Variants in RDX observed in about 807,000 individuals in gnomAD.
RDX encodes deafness, autosomal recessive 24.
Under a neutral mutation model 83.7 loss-of-function variants are expected in RDX, and 32 were observed. That is an observed-to-expected ratio of 0.38 (90% confidence interval 0.29 to 0.51). The LOEUF (loss-of-function observed/expected upper bound fraction) is 0.51. Ranked by LOEUF, RDX falls within the 20% of genes least tolerant of loss-of-function variation. RDX has a pLI of 0.87. For missense variants in RDX, 600 were observed against 689.9 expected, an observed-to-expected ratio of 0.87 and a Z score of 1.46; for synonymous variants, 229 against 222.7, an observed-to-expected ratio of 1.03 and a Z score of -0.25.
chr11:110,258,214 A>G, intron 5 of RDX, 25 bp from the exon 6 acceptor site: 1 of 1,425,410 alleles, frequency 7.0e-7, no homozygotes. Flanking sequence ...AAAAAAAAAA[A>G]ATTATAATGA....
At chr11:110,273,000 G>A (rs913933499) in intron 2 of RDX, 1 of 456,772 alleles carries the variant, frequency 2.2e-6, no homozygotes, top group East Asian at 6.9e-5. Flanking sequence ...GCCAAGGTGG[G>A]AGGATCTCTT....
chr11:110,209,703 G>T (rs1463231227), intron 14 of RDX, among the ~76,000 whole-genome samples: 8 of 147,272 alleles, frequency 5.4e-5, no homozygotes, highest in African/African-American at 2.0e-4. Context: ...CAGCCTAACT[G>T]GGAGGCACCC....
intron 12 of RDX, 126 bp downstream of exon 12, chr11:110,235,973 A>G (rs1864830789): frequency 1.4e-6 from 1 of 720,788 alleles, no homozygotes; most frequent in South Asian, 1.6e-5. Flanking sequence ...TATTTACAAT[A>G]CACATAACAC....
chr11:110,209,928 T>C (rs576930021), intron 14 of RDX, among the ~76,000 whole-genome samples: 2,470 of 146,270 alleles, frequency 0.017, 28 homozygotes, highest in Non-Finnish European at 0.024. Flanking sequence ...AAAAGCAGAG[T>C]GCCTCTCCTC....
chr11:110,204,029 G>A (rs1863511764), intron 14 of RDX, among the ~76,000 whole-genome samples: 1 of 148,396 alleles, frequency 6.7e-6, no homozygotes, highest in African/African-American at 2.5e-5. Context: ...GTGACAGAGT[G>A]AGACCCCATC....
At position 110,233,399 on chromosome 11, in the gene RDX, T is replaced by A; in HGVS notation, c.1425A>T (p.Pro475=). 6.2e-7 allele frequency: 1 copy of A among 1,614,110 alleles called. No homozygotes were observed. The highest frequency in any genetic ancestry group is 8.5e-7 in the Non-Finnish European group (1 of 1,180,000). Residue 475 remains proline, a synonymous_variant, in exon 13 of 14, where the codon CCA becomes CCT. Coordinates refer to ENST00000645495, the MANE Select transcript of RDX (RefSeq NM_002906.4). ...TVMSAPPPPP[P]PPVIPPTENE... ...TTTCTGTTGGAGGAATGACTGGTGGTGGTGGAGGTGGAGGGGGGGCAGACA... is the reference window on the plus strand; with the variant it reads ...TTTCTGTTGGAGGAATGACTGGTGGAGGTGGAGGTGGAGGGGGGGCAGACA...
intron 1 of RDX, among the ~76,000 whole-genome samples, chr11:110,292,184 T>C (rs567155165): frequency 6.6e-6 from 1 of 151,606 alleles, no homozygotes; most frequent in South Asian, 2.1e-4. Flanking sequence ...TCCCAGCTAC[T>C]AGGGAAGCTG....
At chr11:110,263,917 T>C in intron 5 of RDX, 43 bp downstream of exon 5, 1 of 1,524,602 alleles carries the variant, frequency 6.6e-7, no homozygotes, top group Non-Finnish European at 9.1e-7. Flanking sequence ...ACTTCTAGAA[T>C]ACAATTTTCA....
intron 5 of RDX, among the ~76,000 whole-genome samples, chr11:110,259,932 C>T (rs1859732860): frequency 6.6e-6 from 1 of 151,998 alleles, no homozygotes; most frequent in Non-Finnish European, 1.5e-5. Flanking sequence ...CATCCACTGC[C>T]CCCAGTCTAC....
intron 11 of RDX, chr11:110,236,677 G>A: frequency 6.2e-6 from 1 of 161,310 alleles, no homozygotes; most frequent in Non-Finnish European, 1.3e-5. Flanking sequence ...CTGGAGCCCA[G>A]TGGCACAATC....
intron 15 of RDX, among the ~76,000 whole-genome samples, chr11:110,186,735 A>G (rs1862995977): frequency 6.6e-6 from 1 of 152,140 alleles, no homozygotes; most frequent in Non-Finnish European, 1.5e-5. Context: ...CATTTCTCCC[A>G]AGCCCTGGAG....
At chr11:110,215,411 AAAT>A (rs1404572669) in intron 14 of RDX, among the ~76,000 whole-genome samples, 14 of 146,516 alleles carry the variant, frequency 9.6e-5, no homozygotes, top group African/African-American at 2.5e-4. Flanking sequence ...TAAATAAATA[AAAT>A]AATAATAATG....
chr11:110,187,178 A>G (rs1056238264), intron 15 of RDX, among the ~76,000 whole-genome samples: 2 of 152,198 alleles, frequency 1.3e-5, no homozygotes, highest in African/African-American at 4.8e-5. Flanking sequence ...ACCCCCAGAC[A>G]TATCTCCAGG....
chr11:110,241,958 T>C (rs1368665467), intron 10 of RDX, among the ~76,000 whole-genome samples: 6 of 152,124 alleles, frequency 3.9e-5, no homozygotes, highest in African/African-American at 1.4e-4. Flanking sequence ...ATACCACTTA[T>C]ACAGGTAGAA....
intron 15 of RDX, chr11:110,185,424 G>A (rs1374574340): frequency 6.6e-6 from 1 of 152,188 alleles, no homozygotes; most frequent in African/African-American, 2.4e-5. Context: ...CCTTCTCTTA[G>A]CCAAGTGTTC....
At chr11:110,207,287 C>T (rs1181261949) in intron 14 of RDX, among the ~76,000 whole-genome samples, 2 of 152,130 alleles carry the variant, frequency 1.3e-5, no homozygotes, top group Non-Finnish European at 2.9e-5. Flanking sequence ...AATGCACATT[C>T]TTGAGCAGCT....
intron 1 of RDX, 133 bp from the exon 2 acceptor site, chr11:110,279,889 A>G: frequency 1.9e-6 from 1 of 519,508 alleles, no homozygotes; most frequent in East Asian, 3.2e-5. Flanking sequence ...TTTCATTCTC[A>G]TTTTCAATAT....
At chr11:110,292,472 A>AAAAAAAATGAAG (rs1357784817) in intron 1 of RDX, among the ~76,000 whole-genome samples, 1 of 151,704 alleles carries the variant, frequency 6.6e-6, no homozygotes, top group Non-Finnish European at 1.5e-5. Context: ...TCTGTTTTCA[A>AAAAAAAATGAAG]AAAAAAATGA....
chr11:110,212,107 AAGAG>A (rs1863860167), intron 14 of RDX, among the ~76,000 whole-genome samples: 1 of 145,434 alleles, frequency 6.9e-6, no homozygotes, highest in Non-Finnish European at 1.5e-5. Context: ...TAAAGAAAAA[AAGAG>A]AGAAGAATCA....
Sources: allele counts gnomAD v4.1 joint callset (sites outside exome capture counted in the v4.1 genomes callset), GRCh38; gene constraint gnomAD v4.1.1; transcripts MANE v1.5; gene names NCBI Gene and HGNC (gene_info 2026-07-23, HGNC 2026-07-21).